EPS15: variants seen among roughly 807,000 people sequenced by gnomAD.
EPS15 encodes epidermal growth factor receptor substrate 15.
In EPS15, 72 loss-of-function variants were observed where a neutral mutation model predicts 113.8. That is an observed-to-expected ratio of 0.63 (90% CI 0.52 to 0.77). The LOEUF (loss-of-function observed/expected upper bound fraction) is 0.77. Ranked by LOEUF, EPS15 falls within the 30% of genes least tolerant of loss-of-function variation. EPS15 has a pLI of 0.00. For synonymous variants in EPS15, 344 were observed against 363.4 expected, an observed-to-expected ratio of 0.95 and a Z score of 0.61; for missense variants, 1,048 against 1,045.8, an observed-to-expected ratio of 1.00 and a Z score of -0.03.
intron 8 of EPS15, among the ~76,000 whole-genome samples, chr1:51,453,684 T>C (rs1011764901): frequency 3.3e-5 from 5 of 152,116 alleles, no homozygotes; most frequent in African/African-American, 1.2e-4. Context: ...AATAAAAGTA[T>C]CAAACTCCTG....
chr1:51,383,971 A>G (rs1414411524), intron 21 of EPS15, among the ~76,000 whole-genome samples: 2 of 152,232 alleles, frequency 1.3e-5, no homozygotes, highest in Non-Finnish European at 2.9e-5. Flanking sequence ...AAGGAAATTA[A>G]GAAAACAATT....
chr1:51,465,233 T>C (rs745737096), intron 6 of EPS15, 28 bp downstream of exon 6: 5 of 1,446,312 alleles, frequency 3.5e-6, no homozygotes, highest in South Asian at 1.2e-5. Context: ...AATGAAGGGG[T>C]GAGAGAATAG....
At chr1:51,464,242 A>ATTT (rs11375231) in intron 6 of EPS15, among the ~76,000 whole-genome samples, 7 of 145,950 alleles carry the variant, frequency 4.8e-5, no homozygotes, top group Non-Finnish European at 6.0e-5. Context: ...AATAAATAAA[A>ATTT]TTTTTTTTTT....
chr1:51,399,685 CCT>C (rs1255595741), intron 19 of EPS15, among the ~76,000 whole-genome samples: 2 of 151,388 alleles, frequency 1.3e-5, no homozygotes, highest in African/African-American at 2.4e-5. Context: ...ACAGTGAAAC[CCT>C]GTCTCTACTA....
intron 12 of EPS15, chr1:51,422,084 A>C (rs1650813535): frequency 5.0e-6 from 6 of 1,193,782 alleles, no homozygotes; most frequent in Non-Finnish European, 6.4e-6. Flanking sequence ...TGTGGTGAAA[A>C]GAGGATAGAT....
At chr1:51,513,657 A>G (rs1452965641) in intron 1 of EPS15, among the ~76,000 whole-genome samples, 2 of 152,192 alleles carry the variant, frequency 1.3e-5, no homozygotes, top group Non-Finnish European at 2.9e-5. Context: ...TTTACTAACT[A>G]TAAAACCTAA....
At chr1:51,506,773 T>C (rs1570447664) in intron 1 of EPS15, among the ~76,000 whole-genome samples, 1 of 123,400 alleles carries the variant, frequency 8.1e-6, no homozygotes, top group Non-Finnish European at 1.7e-5. Flanking sequence ...AGGCGCCGCA[T>C]AAAAGTGTGC....
In EPS15 at chr1:51,460,265, A is replaced by G. The variant is rs1414631648; in HGVS notation, c.561+826T>C. Among the ~76,000 whole-genome samples, 3 of 152,228 alleles carry G rather than the reference A, an allele frequency of 2.0e-5. No individual in the cohort carries two copies. The East Asian group carries it at 5.8e-4, about 29-fold the overall frequency. Reference sequence around the variant, plus strand: ...GAAATTAGAAATTTACCACTGATGAATTCACAGCAAAGTTTTATCAAACCT... The same window carrying G: ...GAAATTAGAAATTTACCACTGATGAGTTCACAGCAAAGTTTTATCAAACCT... On this transcript the variant is annotated intron_variant, in intron 8 of 24. Transcript: ENST00000371733.
intron 12 of EPS15, among the ~76,000 whole-genome samples, chr1:51,426,723 T>C (rs1204949472): frequency 1.3e-5 from 2 of 151,566 alleles, no homozygotes; most frequent in African/African-American, 4.9e-5. Flanking sequence ...AGATGCAACA[T>C]AAACTCTTCA....
intron 12 of EPS15, among the ~76,000 whole-genome samples, chr1:51,430,018 C>G (rs774992083): frequency 6.6e-6 from 1 of 152,076 alleles, no homozygotes; most frequent in African/African-American, 2.4e-5. Flanking sequence ...CTTCTTTGAA[C>G]ACCGAATGGC....
rs571869037 is a variant in EPS15, at chr1:51,496,363, G to C, written c.34-15049C>G. ...CGTACTAAGCTCTTTCATATGAATTGTAACATTTGAACTTGATAACACTCA... is the reference window on the plus strand; with the variant it reads ...CGTACTAAGCTCTTTCATATGAATTCTAACATTTGAACTTGATAACACTCA... On this transcript the variant is annotated intron_variant, in intron 1 of 24. Coordinates refer to ENST00000371733, the MANE Select transcript of EPS15 (RefSeq NM_001981.3). Among the ~76,000 whole-genome samples, 3 of 152,168 alleles carry C rather than the reference G, an allele frequency of 2.0e-5. No individual in the cohort carries two copies. The East Asian group carries it at 5.8e-4, about 29-fold the overall frequency.
intron 21 of EPS15, among the ~76,000 whole-genome samples, chr1:51,369,148 C>CTATAT (rs1328354106): frequency 6.6e-6 from 1 of 152,178 alleles, no homozygotes; most frequent in African/African-American, 2.4e-5. Flanking sequence ...TTAAAAAGGA[C>CTATAT]ACTTCTATAT....
In EPS15 at chr1:51,445,021, A is replaced by C; in HGVS notation, c.822T>G (p.Cys274Trp). 1 of 1,613,954 alleles carries C rather than the reference A, an allele frequency of 6.2e-7. No individual in the cohort carries two copies. The highest frequency in any genetic ancestry group is 2.2e-5 in the East Asian group (1 of 44,862). ...HIWSLCDTKD[C>W]GKLSKDQFAL... ...CAAACTGATCCTTTGAAAGCTTCCC[A>C]CAGTCCTTTGTGTCGCATAATGACC... Residue 274 changes from cysteine (C) to tryptophan (W), a missense_variant, in exon 11 of 25, where the codon TGT becomes TGG. Transcript: ENST00000371733.
chr1:51,511,994 A>G (rs900242168), intron 1 of EPS15, among the ~76,000 whole-genome samples: 2 of 152,196 alleles, frequency 1.3e-5, no homozygotes, highest in African/African-American at 4.8e-5. Flanking sequence ...AAAGAGCCCA[A>G]CTTTTATTTT....
At chr1:51,462,540 C>T (rs1435702849) in intron 7 of EPS15, among the ~76,000 whole-genome samples, 1 of 152,074 alleles carries the variant, frequency 6.6e-6, no homozygotes, top group Non-Finnish European at 1.5e-5. Context: ...AATCTTACTA[C>T]ACCTGCTCAG....
intron 1 of EPS15, among the ~76,000 whole-genome samples, chr1:51,501,173 C>T (rs928235941): frequency 1.3e-5 from 2 of 151,878 alleles, no homozygotes; most frequent in Non-Finnish European, 2.9e-5. Flanking sequence ...TTTGAGAGCC[C>T]GAGGCGGGCA....
chr1:51,362,957 C>T (rs1209259109), intron 23 of EPS15, among the ~76,000 whole-genome samples: 2 of 152,060 alleles, frequency 1.3e-5, no homozygotes, highest in African/African-American at 4.8e-5. Flanking sequence ...CACACACATA[C>T]TAATTATACA....
At chr1:51,407,490 C>A (rs560824506) in intron 15 of EPS15, among the ~76,000 whole-genome samples, 1 of 152,262 alleles carries the variant, frequency 6.6e-6, no homozygotes, top group South Asian at 2.1e-4. Flanking sequence ...GGGCCACCAC[C>A]ATGCCGAGCC....
intron 1 of EPS15, among the ~76,000 whole-genome samples, chr1:51,514,257 C>T (rs1043688534): frequency 6.6e-6 from 1 of 152,122 alleles, no homozygotes; most frequent in Admixed American, 6.6e-5. Flanking sequence ...TATGAATTTG[C>T]CTAATGAACT....
Sources: allele counts gnomAD v4.1 joint callset (sites outside exome capture counted in the v4.1 genomes callset), GRCh38; gene constraint gnomAD v4.1.1; transcripts MANE v1.5; gene names NCBI Gene and HGNC (gene_info 2026-07-23, HGNC 2026-07-21).